Variants in NUDT13 observed in about 807,000 individuals in gnomAD.
The protein encoded by NUDT13 is nudix hydrolase 13.
Under a neutral mutation model 41.7 loss-of-function variants are expected in NUDT13, and 40 were observed. The ratio of observed to expected loss-of-function variants is 0.96; its 90% CI spans 0.75 to 1.25. The LOEUF (loss-of-function observed/expected upper bound fraction) is 1.25, where lower values mean the gene tolerates loss of function less well. Ranked by LOEUF, NUDT13 falls within the 50% of genes most tolerant of loss-of-function variation. The probability of loss-of-function intolerance (pLI) is 0.00; values close to 1 mark genes in which losing one functional copy is unlikely to be tolerated. For synonymous variants in NUDT13, 145 were observed against 155.5 expected (o/e 0.93, Z 0.50); for missense variants, 390 against 416.1 (o/e 0.94, Z 0.55).
intron 3 of NUDT13, 152 bp from the exon 4 acceptor site, chr10:73,122,023 C>T: frequency 1.2e-6 from 1 of 802,870 alleles, no homozygotes; most frequent in Non-Finnish European, 2.0e-6. Context: ...AATGGTTAGA[C>T]CAAGGTTACA....
intron 7 of NUDT13, 137 bp from the exon 8 acceptor site, chr10:73,126,536 G>C: frequency 1.1e-6 from 1 of 885,534 alleles, no homozygotes; most frequent in Non-Finnish European, 1.7e-6. Context: ...TTGTTGGAAT[G>C]ACTCAGAGTT....
intron 4 of NUDT13, among the ~76,000 whole-genome samples, chr10:73,122,745 A>ATT (rs58913434): frequency 1.4e-5 from 2 of 139,578 alleles, no homozygotes; most frequent in Non-Finnish European, 1.6e-5. Context: ...CTAATTTTTA[A>ATT]TTTTTTTTTT....
rs756627051 is a variant in NUDT13, at chr10:73,130,844, T to G, written c.1000T>G (p.Ser334Ala). ...PFWLPPKLAI[S>A]HQLIKEWVEK... Reference sequence around the variant, plus strand: ...CTGGCTGCCCCCTAAGTTAGCCATCTCCCACCAACTGATTAAGGAGTGGGT... The same window carrying G: ...CTGGCTGCCCCCTAAGTTAGCCATCGCCCACCAACTGATTAAGGAGTGGGT... Residue 334 changes from serine (S) to alanine (A), a missense_variant, in exon 9 of 9, where the codon TCC (serine) becomes GCC (alanine). Physicochemically the swap from Ser to Ala is moderately conservative, Grantham distance 99 (BLOSUM62 1). Coordinates refer to ENST00000357321, the MANE Select transcript of NUDT13 (RefSeq NM_015901.6). 6.2e-7 allele frequency: 1 copy of G among 1,613,906 alleles called. No homozygotes were observed. The highest frequency in any genetic ancestry group is 1.3e-5 in the African/African-American group (1 of 74,970).
intron 1 of NUDT13, among the ~76,000 whole-genome samples, chr10:73,113,481 C>T (rs1346135893): frequency 6.6e-6 from 1 of 152,110 alleles, no homozygotes; most frequent in East Asian, 1.9e-4. Context: ...TTTTAATAAT[C>T]TCCTAGAGTG....
At chr10:73,113,988 A>C (rs9971273) in intron 1 of NUDT13, among the ~76,000 whole-genome samples, 1 of 152,076 alleles carries the variant, frequency 6.6e-6, no homozygotes, top group Admixed American at 6.5e-5. Context: ...CCCAATGAGC[A>C]ACAAAAAAAT....
Position 73,120,048 on chromosome 10 carries a change from T to G in NUDT13, c.114T>G (p.Asp38Glu), listed in dbSNP as rs763630021. 1.9e-6 allele frequency: 3 copies of G among 1,614,096 alleles called. No individual in the cohort carries two copies. The highest frequency in any genetic ancestry group is 2.5e-6 in the Non-Finnish European group (3 of 1,180,022). ...RYLFELKEDD[D>E]ACKKAQQTGA... is the part of the protein sequence containing the mutation. ...TATTTGAACTGAAGGAAGATGATGA[T>G]GCATGTAAAAAAGCCCAGCAAACAG... Residue 38 changes from aspartate (D) to glutamate (E), a missense_variant, in exon 3 of 9, where the codon GAT becomes GAG. Coordinates refer to ENST00000357321, the MANE Select transcript of NUDT13 (RefSeq NM_015901.6).
At chr10:73,120,708 G>A (rs972757321) in intron 3 of NUDT13, among the ~76,000 whole-genome samples, 3 of 152,124 alleles carry the variant, frequency 2.0e-5, no homozygotes, top group Admixed American at 6.5e-5. Context: ...GGAGGCCGAG[G>A]AGGGCAGATC....
At chr10:73,124,567 G>A (rs1842726457) in intron 5 of NUDT13, 3 of 437,930 alleles carry the variant, frequency 6.9e-6, no homozygotes, top group South Asian at 4.3e-5. Flanking sequence ...ATGGCAATAG[G>A]ATCTGTCAGC....
chr10:73,121,748 G>A (rs1022249427), intron 3 of NUDT13, among the ~76,000 whole-genome samples: 8 of 152,162 alleles, frequency 5.3e-5, no homozygotes, highest in African/African-American at 1.7e-4. Context: ...TGTAGAGACA[G>A]GGTCTTTGCT....
intron 5 of NUDT13, chr10:73,124,666 C>T (rs1290700030): frequency 1.8e-5 from 4 of 216,418 alleles, no homozygotes; most frequent in African/African-American, 2.3e-5. Flanking sequence ...GCTTTAATGA[C>T]TTGCCCTCAC....
chr10:73,122,975 G>A (rs571434851), intron 4 of NUDT13, among the ~76,000 whole-genome samples: 4 of 147,624 alleles, frequency 2.7e-5, no homozygotes, highest in African/African-American at 7.5e-5. Context: ...ATCTCGGCTC[G>A]CCACAACCTT....
intron 8 of NUDT13, 42 bp from the exon 9 acceptor site, chr10:73,130,661 T>C (rs1842897774): frequency 2.6e-6 from 4 of 1,542,280 alleles, no homozygotes; most frequent in African/African-American, 1.4e-5. Context: ...CTAAATTTTG[T>C]AGCTCCTGAC....
intron 2 of NUDT13, 42 bp downstream of exon 2, chr10:73,114,490 C>T: frequency 9.8e-7 from 1 of 1,018,454 alleles, no homozygotes; most frequent in South Asian, 1.8e-5. Context: ...TCTGTTTGGC[C>T]CATTAAACTA....
chr10:73,116,817 C>T (rs976110116), intron 2 of NUDT13, among the ~76,000 whole-genome samples: 1 of 148,900 alleles, frequency 6.7e-6, no homozygotes, highest in Non-Finnish European at 1.5e-5. Context: ...AATTGTGATA[C>T]TTGTTTCAGA....
At chr10:73,119,097 G>T (rs931679911) in intron 2 of NUDT13, among the ~76,000 whole-genome samples, 8 of 151,902 alleles carry the variant, frequency 5.3e-5, no homozygotes, top group African/African-American at 1.9e-4. Context: ...CCAGGCTGGA[G>T]TGCAGTGGCG....
In NUDT13 at chr10:73,130,927, C is replaced by T. The variant is rs1222502995; in HGVS notation, c.*24C>T. On this transcript the variant is annotated 3_prime_UTR_variant, in exon 9 of 9. Transcript: ENST00000357321. ...AGCCCGGATCAAGTCACTTAGATCGCTCCTTGGTATTCCTGAGGGACAAAC... is the reference window on the plus strand; with the variant it reads ...AGCCCGGATCAAGTCACTTAGATCGTTCCTTGGTATTCCTGAGGGACAAAC... 1 of 1,590,536 alleles carries T rather than the reference C, an allele frequency of 6.3e-7. No homozygotes were observed. The highest frequency in any genetic ancestry group is 1.9e-4 in the Middle Eastern group (1 of 5,346).
rs900393888 is a variant in NUDT13, at chr10:73,129,167, C to CTTTTTT, written c.859-1519_859-1514dup. 2.9e-4 allele frequency among the ~76,000 whole-genome samples: 32 copies of CTTTTTT among 110,184 alleles called. 1 individual carries two copies. Among genetic ancestry groups the CTTTTTT allele is most frequent in the African/African-American group, 5.1e-4 (14 of 27,706 alleles). 72.3% of individuals were successfully genotyped at this position (110,184 alleles called of 152,430 possible). ...AGTTGAAAGAAACTTAAGACGTTGT[C>CTTTTTT]TTTTTTTTTTTTTTTTTTTTTTGAG... On this transcript the variant is annotated intron_variant, in intron 8 of 8. Transcript: ENST00000357321.
At position 73,114,620 on chromosome 10, in the gene NUDT13, T is replaced by A. The variant is rs181727934; in HGVS notation, c.83+172T>A. On this transcript the variant is annotated intron_variant, in intron 2 of 8. Coordinates refer to ENST00000357321, the MANE Select transcript of NUDT13 (RefSeq NM_015901.6). ...GTGTATATATATATATTCATATATA[T>A]ATATATTCATCCATGGTTTCTGGCT... is the stretch of plus-strand genomic sequence containing the variant. Among the ~76,000 whole-genome samples, 589 of 150,926 alleles carry A rather than the reference T, an allele frequency of 3.9e-3. 4 individuals are homozygous for A. Among genetic ancestry groups the A allele is most frequent in the African/African-American group, 0.013 (556 of 41,226 alleles).
At chr10:73,116,736 T>A (rs952194322) in intron 2 of NUDT13, among the ~76,000 whole-genome samples, 2 of 151,940 alleles carry the variant, frequency 1.3e-5, no homozygotes, top group Non-Finnish European at 2.9e-5. Flanking sequence ...AGTGAGACCC[T>A]GTCTCAAAGA....
Sources: allele counts gnomAD v4.1 joint callset (sites outside exome capture counted in the v4.1 genomes callset), GRCh38; gene constraint gnomAD v4.1.1; transcripts MANE v1.5; gene names NCBI Gene and HGNC (gene_info 2026-07-23, HGNC 2026-07-21).